CCDC62: variants seen among roughly 807,000 people sequenced by gnomAD.
The protein encoded by CCDC62 is coiled-coil domain containing 62, also known as coiled-coil domain-containing protein 62.
In CCDC62, 72 loss-of-function variants were observed where a neutral mutation model predicts 80.8. The observed-to-expected ratio is 0.89, with a 90% CI of 0.74 to 1.08. The LOEUF is 1.08. Among genes scored for constraint, CCDC62 ranks in the 50% least tolerant of loss-of-function variants. The probability of loss-of-function intolerance (pLI) is 0.00; values close to 1 mark genes in which losing one functional copy is unlikely to be tolerated. For missense variants in CCDC62, 704 were observed against 809.4 expected (o/e 0.87, Z 1.58); for synonymous variants, 286 against 296.5 (o/e 0.96, Z 0.36).
rs1473459862 is a variant in CCDC62 at position 122,774,639 on chromosome 12, A to C, written c.-32A>C. On this transcript the variant is annotated 5_prime_UTR_variant, in exon 1 of 13. Coordinates refer to ENST00000253079, the MANE Select transcript of CCDC62 (RefSeq NM_201435.5). ...GCGTTTCTGAGGTGACGCCGCCCAC[A>C]CCGGGCTTCTCCGGGGGCGGAGGAA... The C allele has an allele frequency of 8.0e-7, 1 of 1,244,216 alleles. No homozygotes were observed. The highest frequency in any genetic ancestry group is 1.6e-5 in the African/African-American group (1 of 64,278). The allele number at this position is 1,244,216 out of a possible 1,614,324, so 77.1% of individuals were successfully genotyped here. A position where few individuals can be genotyped will look rare whatever the true frequency, so the allele number is the denominator to read the frequency against.
intron 10 of CCDC62, among the ~76,000 whole-genome samples, chr12:122,811,684 G>C (rs971808005): frequency 4.0e-5 from 6 of 150,994 alleles, no homozygotes; most frequent in Non-Finnish European, 5.9e-5. Flanking sequence ...GCTGGGCGTG[G>C]TGGCACATGC....
chr12:122,812,758 A>G (rs1489342417), intron 10 of CCDC62, among the ~76,000 whole-genome samples: 4 of 67,100 alleles, frequency 6.0e-5, no homozygotes, highest in African/African-American at 1.1e-4. Context: ...AGAGGGAGGG[A>G]GAGAGAGAGA....
chr12:122,778,836 G>T (rs541112005), intron 2 of CCDC62, among the ~76,000 whole-genome samples: 1 of 152,068 alleles, frequency 6.6e-6, no homozygotes, highest in African/African-American at 2.4e-5. Flanking sequence ...CCAAGATTGC[G>T]CCACTGCACT....
rs185000188 is a variant in CCDC62, at chr12:122,783,122, T to G, written c.396+1792T>G. Among the ~76,000 whole-genome samples, 5 of 53,222 alleles carry G rather than the reference T, an allele frequency of 9.4e-5. No homozygotes were observed. In the East Asian group the frequency reaches 4.4e-3, roughly 46 times the overall value. 34.9% of individuals were successfully genotyped at this position (53,222 alleles called of 152,430 possible). On this transcript the variant is annotated intron_variant, in intron 3 of 12. Transcript: ENST00000253079. ...ACTCCTTGTCAAAAAAAAAGATGGA[T>G]TTTTTTGGTTTTCTCTTCTAACTGG...
Position 122,809,799 on chromosome 12 carries a change from T to C in CCDC62, c.1852-3471T>C, listed in dbSNP as rs2031790307. On this transcript the variant is annotated intron_variant, in intron 10 of 12. Coordinates refer to ENST00000253079, the MANE Select transcript of CCDC62 (RefSeq NM_201435.5). The stretch of plus-strand genomic sequence containing the variant: ...CAAGGCTACAGTAACCAAAACAGCA[T>C]GGTACTGGTACCAAAACAGAGATAT... Among the ~76,000 whole-genome samples, 5 of 152,154 alleles carry C rather than the reference T, an allele frequency of 3.3e-5. No individual in the cohort carries two copies. In the South Asian group the frequency reaches 1.0e-3, roughly 32 times the overall value.
intron 7 of CCDC62, 114 bp from the exon 8 acceptor site, chr12:122,797,971 T>C: frequency 8.0e-6 from 5 of 625,286 alleles, no homozygotes; most frequent in Non-Finnish European, 1.4e-5. Context: ...ATTTCTCTAG[T>C]AACTATCTGA....
intron 12 of CCDC62, among the ~76,000 whole-genome samples, chr12:122,823,903 T>G (rs989967497): frequency 1.3e-5 from 2 of 151,716 alleles, no homozygotes; most frequent in Non-Finnish European, 2.9e-5. Flanking sequence ...GGAGAATCAC[T>G]TGAACCCAGG....
At chr12:122,792,515 T>TTTTTTA (rs1677467721) in intron 6 of CCDC62, among the ~76,000 whole-genome samples, 1 of 151,368 alleles carries the variant, frequency 6.6e-6, no homozygotes, top group Non-Finnish European at 1.5e-5. Flanking sequence ...TGAGCCCGGC[T>TTTTTTA]TTTTTATTTT....
rs1163112586 is a variant in CCDC62, at chr12:122,795,585, A to G, written c.773-1722A>G. On this transcript the variant is annotated intron_variant, in intron 6 of 12. Coordinates refer to ENST00000253079, the MANE Select transcript of CCDC62 (RefSeq NM_201435.5). The stretch of plus-strand genomic sequence containing the variant: ...ACTACAGGCGCCCGCCACCATGCCC[A>G]GCTAATTTTTTGTATTTTTTAGTAG... Among the ~76,000 whole-genome samples, 13 of 152,046 alleles carry G rather than the reference A, an allele frequency of 8.6e-5. No homozygotes were observed. In the East Asian group the frequency reaches 9.7e-4, roughly 11 times the overall value.
chr12:122,821,104 C>T (rs1159041984), intron 11 of CCDC62, among the ~76,000 whole-genome samples: 1 of 152,070 alleles, frequency 6.6e-6, no homozygotes, highest in Admixed American at 6.6e-5. Context: ...CTTACCTCTC[C>T]ACTCCCCTTC....
chr12:122,819,065 T>C (rs1434224063), intron 11 of CCDC62, among the ~76,000 whole-genome samples: 1 of 152,176 alleles, frequency 6.6e-6, no homozygotes, highest in East Asian at 1.9e-4. Context: ...AATCATTTAA[T>C]TGGAAAAACT....
chr12:122,807,785 A>G (rs920806281), intron 10 of CCDC62, among the ~76,000 whole-genome samples: 2 of 152,148 alleles, frequency 1.3e-5, no homozygotes, highest in Admixed American at 1.3e-4. Context: ...CTATTCCCAG[A>G]CAATCACTCA....
At chr12:122,811,463 A>C (rs1327476976) in intron 10 of CCDC62, among the ~76,000 whole-genome samples, 2 of 150,680 alleles carry the variant, frequency 1.3e-5, no homozygotes, top group Non-Finnish European at 3.0e-5. Flanking sequence ...TGCTCGCCTC[A>C]GCCTCCCAAA....
chr12:122,803,327 G>T (rs2031410685), intron 9 of CCDC62, among the ~76,000 whole-genome samples: 1 of 152,092 alleles, frequency 6.6e-6, no homozygotes, highest in Admixed American at 6.6e-5. Flanking sequence ...TAACAAGCTG[G>T]TAAGTTATTG....
chr12:122,795,032 T>C (rs1022316260), intron 6 of CCDC62, among the ~76,000 whole-genome samples: 3 of 152,148 alleles, frequency 2.0e-5, no homozygotes, highest in Non-Finnish European at 2.9e-5. Context: ...GTGCTATGGC[T>C]AAATGTCACG....
chr12:122,782,046 G>A (rs116706537), intron 3 of CCDC62, among the ~76,000 whole-genome samples: 20 of 146,242 alleles, frequency 1.4e-4, no homozygotes, highest in African/African-American at 4.8e-4. Context: ...AAAAAAAAGC[G>A]TATGTAAGCC....
intron 1 of CCDC62, 46 bp from the exon 2 acceptor site, chr12:122,777,445 T>C: frequency 6.6e-7 from 1 of 1,521,204 alleles, no homozygotes. Context: ...GCTGATTTGT[T>C]ATTGATTTCA....
chr12:122,801,648 A>T lies in CCDC62; in HGVS notation c.1502A>T (p.Asn501Ile). Residue 501 changes from asparagine (N) to isoleucine (I), a missense_variant, in exon 9 of 13, where the codon AAT (asparagine) becomes ATT (isoleucine). Physicochemically the swap from Asn to Ile is moderately radical, Grantham distance 149. Coordinates refer to ENST00000253079, the MANE Select transcript of CCDC62 (RefSeq NM_201435.5). ...TCCGAAATCTCATGCTGCCAGAAAA[A>T]TGAAGCCTGTCTGGGCGAAAGTGGC... is the stretch of plus-strand genomic sequence containing the variant. Reference protein sequence around the residue: ...ERSEISCCQKNEACLGESGMC... With the variant: ...ERSEISCCQKIEACLGESGMC... The T allele has an allele frequency of 6.2e-7, 1 of 1,614,190 alleles. No individual in the cohort carries two copies. The highest frequency in any genetic ancestry group is 1.1e-5 in the South Asian group (1 of 91,080).
At position 122,774,616 on chromosome 12, in the gene CCDC62, G is replaced by A; in HGVS notation, c.-55G>A. 8.2e-7 allele frequency: 1 copy of A among 1,222,476 alleles called. No individual in the cohort carries two copies. 75.7% of individuals were successfully genotyped at this position (1,222,476 alleles called of 1,614,324 possible). A position where few individuals can be genotyped will look rare whatever the true frequency, so the allele number is the denominator to read the frequency against. ...CGCTCGGGGCAGGCGCGCCGATGGC[G>A]TTTCTGAGGTGACGCCGCCCACACC... On this transcript the variant is annotated 5_prime_UTR_variant, in exon 1 of 13. Transcript: ENST00000253079.
Sources: gnomAD v4.1 joint callset for allele counts (sites outside exome capture counted in the v4.1 genomes callset) on GRCh38, gnomAD v4.1.1 for gene constraint, MANE v1.5 for transcripts, NCBI Gene and HGNC (gene_info 2026-07-23, HGNC 2026-07-21) for gene names.